ZBTB16: variants seen among roughly 807,000 people sequenced by gnomAD.
The protein encoded by ZBTB16 is zinc finger and BTB domain containing 16, also known as zinc finger and BTB domain-containing protein 16.
A neutral mutation model predicts 56.8 loss-of-function variants in ZBTB16; 8 were observed. The ratio of observed to expected loss-of-function variants is 0.14; its 90% CI spans 0.08 to 0.25. ZBTB16 has a LOEUF of 0.25. Ranked by LOEUF, ZBTB16 falls within the 10% of genes least tolerant of loss-of-function variation. The pLI, the probability that ZBTB16 is intolerant of heterozygous loss-of-function variation, is 1.00. For missense variants in ZBTB16, 625 were observed against 903.0 expected (o/e 0.69, Z 3.95); for synonymous variants, 363 against 368.5 (o/e 0.98, Z 0.17).
chr11:114,144,203 C>T (rs1238961560), intron 2 of ZBTB16, among the ~76,000 whole-genome samples: 1 of 151,948 alleles, frequency 6.6e-6, no homozygotes, highest in Non-Finnish European at 1.5e-5. Context: ...CACACACACA[C>T]ACACACACAC....
chr11:114,140,599 T>G (rs768694373), intron 2 of ZBTB16, among the ~76,000 whole-genome samples: 4 of 152,136 alleles, frequency 2.6e-5, no homozygotes, highest in Admixed American at 6.5e-5. Context: ...CCATCTGCAT[T>G]CTGATGAGTA....
At chr11:114,107,188 A>G (rs966002152) in intron 2 of ZBTB16, among the ~76,000 whole-genome samples, 8 of 152,172 alleles carry the variant, frequency 5.3e-5, no homozygotes, top group Non-Finnish European at 1.0e-4. Context: ...GACTTGCGCA[A>G]GGTCACGCTG....
chr11:114,224,447 A>T (rs1407573040), intron 4 of ZBTB16, among the ~76,000 whole-genome samples: 1 of 152,218 alleles, frequency 6.6e-6, no homozygotes. Flanking sequence ...AACAGTTTTC[A>T]TATACAGTAG....
chr11:114,125,596 G>T (rs1343133595), intron 2 of ZBTB16, among the ~76,000 whole-genome samples: 2 of 151,306 alleles, frequency 1.3e-5, no homozygotes, highest in African/African-American at 4.9e-5. Flanking sequence ...GAAGGGGCCT[G>T]TCTTGCCTTC....
chr11:114,249,815 C>T (rs1944887244), intron 6 of ZBTB16, among the ~76,000 whole-genome samples: 2 of 146,014 alleles, frequency 1.4e-5, no homozygotes, highest in South Asian at 2.2e-4. Context: ...ATAGGTGTCC[C>T]CAGGTGCAGC....
At chr11:114,196,964 C>T (rs940820092) in intron 4 of ZBTB16, among the ~76,000 whole-genome samples, 7 of 152,084 alleles carry the variant, frequency 4.6e-5, no homozygotes, top group African/African-American at 1.7e-4. Flanking sequence ...TACCCCAGAG[C>T]CCACATTTTA....
chr11:114,185,174 A>T (rs887525967), intron 3 of ZBTB16, among the ~76,000 whole-genome samples: 2 of 152,122 alleles, frequency 1.3e-5, no homozygotes, highest in African/African-American at 4.8e-5. Flanking sequence ...GCACCACTGT[A>T]CTCCAGCCTT....
At chr11:114,102,861 A>G (rs1204892680) in intron 2 of ZBTB16, among the ~76,000 whole-genome samples, 2 of 152,170 alleles carry the variant, frequency 1.3e-5, no homozygotes, top group African/African-American at 2.4e-5. Context: ...GCCAACATTC[A>G]TAGTAGCCCC....
chr11:114,171,264 C>T lies in ZBTB16; in HGVS notation c.1366+14830C>T, dbSNP rs148124592. Among the ~76,000 whole-genome samples the T allele has an allele frequency of 4.1e-3, 632 of 152,356 alleles. 5 individuals carry two copies. Among genetic ancestry groups the T allele is most frequent in the African/African-American group, 0.015 (603 of 41,578 alleles). On this transcript the variant is annotated intron_variant, in intron 3 of 6. Coordinates refer to ENST00000335953, the MANE Select transcript of ZBTB16 (RefSeq NM_006006.6). ...CCTGTCCGAGCAAAGCGTGGACCAG[C>T]GTATGTAGGACTGTGATGACAACCC...
intron 4 of ZBTB16, among the ~76,000 whole-genome samples, chr11:114,190,516 G>A (rs965317743): frequency 1.3e-5 from 2 of 152,160 alleles, no homozygotes; most frequent in Non-Finnish European, 2.9e-5. Context: ...CTTCAAAACT[G>A]TGATGGTTTC....
intron 4 of ZBTB16, among the ~76,000 whole-genome samples, chr11:114,198,793 C>T (rs747349687): frequency 2.0e-5 from 3 of 152,214 alleles, no homozygotes; most frequent in Non-Finnish European, 4.4e-5. Flanking sequence ...GGGTTCACTC[C>T]TGGTGGTGTA....
intron 2 of ZBTB16, among the ~76,000 whole-genome samples, chr11:114,085,275 A>G (rs79705614): frequency 0.011 from 1,657 of 152,260 alleles, 33 homozygotes; most frequent in African/African-American, 0.038. Flanking sequence ...ATCTTATTTC[A>G]TTTAAGAACG....
intron 4 of ZBTB16, among the ~76,000 whole-genome samples, chr11:114,191,474 G>A (rs922384264): frequency 6.6e-5 from 10 of 152,036 alleles, no homozygotes; most frequent in African/African-American, 2.2e-4. Flanking sequence ...TGTGTAGAAG[G>A]CCGTACCATC....
At chr11:114,128,021 G>A (rs562846928) in intron 2 of ZBTB16, among the ~76,000 whole-genome samples, 6 of 152,264 alleles carry the variant, frequency 3.9e-5, no homozygotes, top group African/African-American at 1.4e-4. Context: ...CTCCCAGCAA[G>A]TTAAGAAAGA....
chr11:114,249,949 G>A (rs1944889894), intron 6 of ZBTB16, among the ~76,000 whole-genome samples: 1 of 152,020 alleles, frequency 6.6e-6, no homozygotes, highest in African/African-American at 2.4e-5. Flanking sequence ...CATTCCTGAG[G>A]ACTTTGGGGC....
At position 114,063,794 on chromosome 11, in the gene ZBTB16, A is replaced by G; in HGVS notation, c.494A>G (p.Glu165Gly). Residue 165 changes from glutamate (E) to glycine (G), a missense_variant, in exon 2 of 7, where the codon GAG becomes GGG. Glu to Gly is a moderately conservative substitution (Grantham distance 98). Coordinates refer to ENST00000335953, the MANE Select transcript of ZBTB16 (RefSeq NM_006006.6). This position sits in a 1 kb window ranked among gnomAD's most constrained non-coding sequence, Gnocchi z 6.5. ...NIFISKHSSE[E>G]SGYASVAGQS... Reference sequence around the variant, plus strand: ...TTCATCTCGAAGCATTCCAGCGAGGAGAGTGGGTATGCCAGTGTGGCTGGA... The same window carrying G: ...TTCATCTCGAAGCATTCCAGCGAGGGGAGTGGGTATGCCAGTGTGGCTGGA... 1 of 1,614,150 alleles carries G rather than the reference A, an allele frequency of 6.2e-7. No individual in the cohort carries two copies. The highest frequency in any genetic ancestry group is 1.1e-5 in the South Asian group (1 of 91,082).
chr11:114,195,506 G>C (rs1226603034), intron 4 of ZBTB16, among the ~76,000 whole-genome samples: 2 of 152,154 alleles, frequency 1.3e-5, no homozygotes, highest in African/African-American at 4.8e-5. Flanking sequence ...ATGATCTCTA[G>C]AGGACATTAC....
intron 5 of ZBTB16, chr11:114,246,993 A>C (rs922434305): frequency 1.5e-6 from 1 of 661,470 alleles, no homozygotes; most frequent in East Asian, 2.8e-5. Flanking sequence ...ACAGATGATC[A>C]TGGGGCCACA....
chr11:114,206,047 A>G (rs1322281245), intron 4 of ZBTB16, among the ~76,000 whole-genome samples: 1 of 152,110 alleles, frequency 6.6e-6, no homozygotes, highest in African/African-American at 2.4e-5. Context: ...CTGGGCCCCA[A>G]ATCTTAAGCT....
Sources: allele counts gnomAD v4.1 joint callset (sites outside exome capture counted in the v4.1 genomes callset), GRCh38; gene constraint gnomAD v4.1.1; non-coding constraint Gnocchi (gnomAD v3.1); transcripts MANE v1.5; gene names NCBI Gene and HGNC (gene_info 2026-07-23, HGNC 2026-07-21).